COL6A6: variants seen among roughly 807,000 people sequenced by gnomAD.
COL6A6 encodes the protein collagen type VI alpha 6 chain.
A neutral mutation model predicts 208.6 loss-of-function variants in COL6A6; 183 were observed. That is an observed-to-expected ratio of 0.88 (90% CI 0.78 to 0.99). COL6A6 has a LOEUF of 0.99. Among genes scored for constraint, COL6A6 ranks in the 50% least tolerant of loss-of-function variants. The probability of loss-of-function intolerance (pLI) is 0.00; values close to 1 mark genes in which losing one functional copy is unlikely to be tolerated. For missense variants in COL6A6, 2,816 were observed against 2,815.2 expected (o/e 1.00, Z -0.01); for synonymous variants, 973 against 1,011.8 (o/e 0.96, Z 0.73).
Position 130,661,855 on chromosome 3 carries a change from C to T in COL6A6, c.6049C>T (p.Pro2017Ser), listed in dbSNP as rs769364031. 29 of 1,613,612 alleles carry T rather than the reference C, an allele frequency of 1.8e-5. 3 individuals are homozygous for T. In the South Asian group the frequency reaches 3.0e-4, roughly 16 times the overall value. The part of the protein sequence containing the change: ...GDRVALLSHA[P>S]PDFLPNTQKS... The stretch of plus-strand genomic sequence containing the variant: ...CCGGGTGGCCCTATTGAGCCATGCT[C>T]CCCCCGACTTCCTACCCAACACTCA... The change falls in exon 35 of 37, where the codon CCC becomes TCC. Residue 2017 changes from proline (P) to serine (S), a missense_variant. Transcript: ENST00000358511.
chr3:130,607,455 ATATT>A (rs1337796216), intron 21 of COL6A6, among the ~76,000 whole-genome samples: 2 of 152,222 alleles, frequency 1.3e-5, no homozygotes, highest in African/African-American at 2.4e-5. Flanking sequence ...TGAACCTATA[ATATT>A]TATGAAAGAG....
At chr3:130,542,511 AG>A (rs1333419728) in intron 1 of COL6A6, among the ~76,000 whole-genome samples, 1 of 152,150 alleles carries the variant, frequency 6.6e-6, no homozygotes, top group Non-Finnish European at 1.5e-5. Flanking sequence ...TGTTGGATGA[AG>A]TAGTCTATAG....
intron 1 of COL6A6, among the ~76,000 whole-genome samples, chr3:130,536,175 C>G (rs1213402227): frequency 1.3e-5 from 2 of 152,178 alleles, no homozygotes; most frequent in Admixed American, 6.5e-5. Context: ...CATGCATCTT[C>G]ATGAAACAAA....
At position 130,581,715 on chromosome 3, in the gene COL6A6, G is replaced by C. The variant is rs2063426478; in HGVS notation, c.3702G>C (p.Glu1234Asp). The change falls in exon 9 of 37, where the codon GAG (glutamate) becomes GAC (aspartate). Residue 1234 changes from glutamate to aspartate, a missense_variant. By Grantham distance (45) the Glu-to-Asp change is conservative. Transcript: ENST00000358511. ...LNGVSCEVGT[E>D]TQVSVAFQVT... ...GAGTAAGCTGTGAGGTGGGCACAGA[G>C]ACTCAGGTCAGTGTGGCTTTTCAAG... 1 of 1,613,992 alleles carries C rather than the reference G, an allele frequency of 6.2e-7. No homozygotes were observed. The highest frequency in any genetic ancestry group is 1.3e-5 in the African/African-American group (1 of 75,056).
At chr3:130,663,929 G>A (rs1477439808) in intron 35 of COL6A6, among the ~76,000 whole-genome samples, 1 of 152,140 alleles carries the variant, frequency 6.6e-6, no homozygotes, top group Non-Finnish European at 1.5e-5. Flanking sequence ...TCATGTTCAA[G>A]TCTACATGCT....
intron 7 of COL6A6, 110 bp from the exon 8 acceptor site, chr3:130,573,846 G>A (rs1315506916): frequency 4.1e-6 from 3 of 730,476 alleles, no homozygotes; most frequent in East Asian, 2.7e-5. Context: ...TGGGATTACA[G>A]GAGTGAGCCA....
At chr3:130,575,781 A>C (rs1325064666) in intron 8 of COL6A6, among the ~76,000 whole-genome samples, 1 of 152,204 alleles carries the variant, frequency 6.6e-6, no homozygotes, top group East Asian at 1.9e-4. Flanking sequence ...TTTCTCTGAA[A>C]ATAGCCCGTG....
At chr3:130,531,060 AGTCTCT>A (rs1559955030) in intron 1 of COL6A6, among the ~76,000 whole-genome samples, 11 of 17,870 alleles carry the variant, frequency 6.2e-4, no homozygotes, top group African/African-American at 1.2e-3. Flanking sequence ...ACACACACAC[AGTCTCT>A]CTCTCTCTCT....
rs141159632 is a variant in COL6A6, at chr3:130,581,669, G to A, written c.3656G>A (p.Arg1219His). The A allele has an allele frequency of 8.7e-4, 1,397 of 1,613,924 alleles. 11 individuals are homozygous for A. In the African/African-American group the frequency reaches 0.015, roughly 17 times the overall value. ...WMETYLQDIL[R>H]AISSLNGVSC... ...GAAACCTACCTTCAAGACATCTTAC[G>A]TGCCATCAGCTCCCTCAATGGAGTA... The change falls in exon 9 of 37, where the codon CGT becomes CAT. Residue 1219 changes from arginine to histidine, a missense_variant. By Grantham distance (29) the Arg-to-His change is conservative. Coordinates refer to ENST00000358511, the MANE Select transcript of COL6A6 (RefSeq NM_001102608.3).
chr3:130,606,869 T>C (rs2064197900), intron 20 of COL6A6, 62 bp from the exon 21 acceptor site: 4 of 1,342,048 alleles, frequency 3.0e-6, no homozygotes, highest in Non-Finnish European at 4.2e-6. Flanking sequence ...ATTATGAATT[T>C]AAATCATATA....
At chr3:130,552,313 G>A (rs558770391) in intron 1 of COL6A6, among the ~76,000 whole-genome samples, 3 of 152,276 alleles carry the variant, frequency 2.0e-5, no homozygotes, top group East Asian at 3.9e-4. Flanking sequence ...GTGAATCTGG[G>A]CGCTGCTGTT....
intron 36 of COL6A6, among the ~76,000 whole-genome samples, chr3:130,671,633 G>A (rs2066218079): frequency 6.6e-6 from 1 of 152,214 alleles, no homozygotes; most frequent in African/African-American, 2.4e-5. Flanking sequence ...GATTGAGGGA[G>A]ATGAGAATAC....
Position 130,563,312 on chromosome 3 carries a change from G to T in COL6A6, c.309G>T (p.Gly103=). The part of the protein sequence containing the change: ...HLRKNFGFIG[G]SLQIGKALQE... ...GGAAGAACTTTGGATTCATTGGCGG[G>T]TCCCTGCAGATAGGAAAGGCTCTTC... The change falls in exon 3 of 37, where the codon GGG becomes GGT. Residue 103 remains glycine (G), a synonymous_variant. Transcript: ENST00000358511. 1 of 1,613,988 alleles carries T rather than the reference G, an allele frequency of 6.2e-7. No individual in the cohort carries two copies.
chr3:130,595,786 A>G (rs2063834595), intron 18 of COL6A6, among the ~76,000 whole-genome samples: 1 of 152,120 alleles, frequency 6.6e-6, no homozygotes, highest in African/African-American at 2.4e-5. Flanking sequence ...CTTTTGATGC[A>G]CTTTTTTACA....
intron 7 of COL6A6, among the ~76,000 whole-genome samples, chr3:130,571,980 G>A (rs1018003905): frequency 6.6e-6 from 1 of 151,670 alleles, no homozygotes; most frequent in African/African-American, 2.4e-5. Flanking sequence ...ACTACACTGA[G>A]CTGAATTCAC....
At chr3:130,542,521 AG>A (rs2062393366) in intron 1 of COL6A6, among the ~76,000 whole-genome samples, 1 of 152,214 alleles carries the variant, frequency 6.6e-6, no homozygotes, top group Admixed American at 6.5e-5. Context: ...AGTAGTCTAT[AG>A]GTATCCATTA....
chr3:130,653,278 G>C (rs1159075975), intron 33 of COL6A6, among the ~76,000 whole-genome samples: 3 of 152,016 alleles, frequency 2.0e-5, no homozygotes, highest in African/African-American at 7.3e-5. Flanking sequence ...ACTGCTGTGT[G>C]GCGTCGCAGC....
chr3:130,542,933 G>T (rs2062406034), intron 1 of COL6A6, among the ~76,000 whole-genome samples: 1 of 124,334 alleles, frequency 8.0e-6, no homozygotes, highest in Non-Finnish European at 1.6e-5. Context: ...TTAGATAGGA[G>T]TCTTGCTCTG....
chr3:130,552,934 G>A (rs1212799318), intron 1 of COL6A6, among the ~76,000 whole-genome samples: 2 of 152,132 alleles, frequency 1.3e-5, no homozygotes, highest in African/African-American at 4.8e-5. Flanking sequence ...TGAAATTCTT[G>A]GTTGGAAATT....
Sources: gnomAD v4.1 joint callset for allele counts (sites outside exome capture counted in the v4.1 genomes callset) on GRCh38, gnomAD v4.1.1 for gene constraint, MANE v1.5 for transcripts, NCBI Gene and HGNC (gene_info 2026-07-23, HGNC 2026-07-21) for gene names.